NCKAP5: variants seen among roughly 807,000 people sequenced by gnomAD.
NCKAP5 encodes the protein nck-associated protein 5.
In NCKAP5, 92 loss-of-function variants were observed where a neutral mutation model predicts 167.0. The observed-to-expected ratio is 0.55, with a 90% confidence interval of 0.47 to 0.66. The LOEUF (loss-of-function observed/expected upper bound fraction) is 0.66. Among genes scored for constraint, NCKAP5 ranks in the 30% least tolerant of loss-of-function variants. The pLI is 0.00. For synonymous variants in NCKAP5, 891 were observed against 877.4 expected (o/e 1.02, Z -0.27); for missense variants, 2,378 against 2,315.0 (o/e 1.03, Z -0.56).
chr2:133,137,923 C>A (rs1214670197), intron 5 of NCKAP5, among the ~76,000 whole-genome samples: 1 of 152,232 alleles, frequency 6.6e-6, no homozygotes, highest in African/African-American at 2.4e-5. Context: ...AGTCCTGCCC[C>A]TGTACCCTTT....
At chr2:133,360,001 G>C (rs1048071152) in intron 3 of NCKAP5, among the ~76,000 whole-genome samples, 1 of 152,064 alleles carries the variant, frequency 6.6e-6, no homozygotes, top group African/African-American at 2.4e-5. Flanking sequence ...AACAACAGAA[G>C]GTAAATATCA....
At chr2:133,251,598 C>T (rs1390024779) in intron 4 of NCKAP5, among the ~76,000 whole-genome samples, 1 of 152,154 alleles carries the variant, frequency 6.6e-6, no homozygotes, top group Admixed American at 6.5e-5. Flanking sequence ...CTACAAGGCA[C>T]TCTATCAAAC....
chr2:133,054,143 G>T (rs879924732), intron 6 of NCKAP5, among the ~76,000 whole-genome samples: 1 of 152,132 alleles, frequency 6.6e-6, no homozygotes, highest in Non-Finnish European at 1.5e-5. Flanking sequence ...AAAAGCAGGC[G>T]ATATCTAATT....
the NCKAP5 span, among the ~76,000 whole-genome samples, chr2:133,593,222 C>A: frequency 1.3e-5 from 2 of 152,256 alleles, no homozygotes; most frequent in African/African-American, 4.8e-5. Context: ...AGATGATATA[C>A]ACTATCTGTT....
chr2:133,306,065 A>G (rs1680754448), intron 3 of NCKAP5, among the ~76,000 whole-genome samples: 1 of 152,264 alleles, frequency 6.6e-6, no homozygotes, highest in Non-Finnish European at 1.5e-5. Flanking sequence ...ACACTATCAT[A>G]GGATTATAAA....
At chr2:133,649,873 G>A in the NCKAP5 span, among the ~76,000 whole-genome samples, 3 of 151,902 alleles carry the variant, frequency 2.0e-5, no homozygotes, top group Non-Finnish European at 4.4e-5. Flanking sequence ...GCAAGAAAAA[G>A]AAACAAAAGG....
At chr2:133,212,620 G>C (rs575504984) in intron 5 of NCKAP5, among the ~76,000 whole-genome samples, 2 of 152,098 alleles carry the variant, frequency 1.3e-5, no homozygotes, top group Admixed American at 1.3e-4. Context: ...TGCCCACCTC[G>C]GCCTCCCAAA....
chr2:132,699,480 T>A, intron 19 of NCKAP5, among the ~76,000 whole-genome samples: 1 of 150,620 alleles, frequency 6.6e-6, no homozygotes, highest in Admixed American at 6.6e-5. Context: ...CCCTCCCCAC[T>A]CCCCCCTCCC....
intron 5 of NCKAP5, among the ~76,000 whole-genome samples, chr2:133,202,262 C>T (rs1435199956): frequency 6.6e-6 from 1 of 152,048 alleles, no homozygotes; most frequent in African/African-American, 2.4e-5. Context: ...CTTTGACAAA[C>T]CTGACAAAAA....
rs76061399 is a variant in NCKAP5, at chr2:133,040,440, G to C, written c.342-46201C>G. The stretch of plus-strand genomic sequence containing the variant: ...CATTGGACTACATTTTCTGGAATCA[G>C]AGACATGGCATTATCTGACCTTGGG... On this transcript the variant is annotated intron_variant, in intron 6 of 19. Coordinates refer to ENST00000409261, the MANE Select transcript of NCKAP5 (RefSeq NM_207363.3). Among the ~76,000 whole-genome samples the C allele has an allele frequency of 9.2e-3, 1,394 of 152,252 alleles. 21 individuals are homozygous for C. The highest frequency in any genetic ancestry group is 0.032 in the African/African-American group (1,336 of 41,544).
chr2:132,713,151 C>CAA (rs34379076), intron 19 of NCKAP5, among the ~76,000 whole-genome samples: 143 of 142,866 alleles, frequency 1.0e-3, no homozygotes, highest in African/African-American at 3.6e-3. Flanking sequence ...GAAAGATGAA[C>CAA]AAAAAAAAAA....
At chr2:133,645,966 G>T in the NCKAP5 span, among the ~76,000 whole-genome samples, 31 of 151,562 alleles carry the variant, frequency 2.0e-4, no homozygotes, top group African/African-American at 7.5e-4. Flanking sequence ...GAAGGAGGGA[G>T]GGAGGAAGGA....
chr2:133,479,251 T>C (rs538205629), intron 3 of NCKAP5, among the ~76,000 whole-genome samples: 1 of 152,350 alleles, frequency 6.6e-6, no homozygotes, highest in Admixed American at 6.5e-5. Context: ...ATAATTATTA[T>C]GTGCCTAACA....
intron 16 of NCKAP5, among the ~76,000 whole-genome samples, chr2:132,742,982 A>C (rs1241672131): frequency 6.6e-6 from 1 of 151,946 alleles, no homozygotes; most frequent in Non-Finnish European, 1.5e-5. Context: ...GAAATCCAAC[A>C]GACCAGGGGA....
At chr2:132,897,469 C>T (rs1693294768) in intron 8 of NCKAP5, among the ~76,000 whole-genome samples, 3 of 152,112 alleles carry the variant, frequency 2.0e-5, no homozygotes, top group Admixed American at 1.3e-4. Flanking sequence ...TTTAACATAC[C>T]TATATATACA....
At chr2:133,271,381 C>G (rs557430426) in intron 4 of NCKAP5, among the ~76,000 whole-genome samples, 24 of 152,198 alleles carry the variant, frequency 1.6e-4, no homozygotes, top group South Asian at 8.3e-4. Context: ...AGGGGAAAAG[C>G]TGTATTAGAC....
At position 132,784,805 on chromosome 2, in the gene NCKAP5, A is replaced by G. The variant is rs780456173; in HGVS notation, c.2006T>C (p.Val669Ala). 4.4e-6 allele frequency: 7 copies of G among 1,597,250 alleles called. No individual in the cohort carries two copies. The Admixed American group carries it at 1.2e-4, about 28-fold the overall frequency. Residue 669 changes from valine (V) to alanine (A), a missense_variant, in exon 14 of 20, where the codon GTG becomes GCG. By Grantham distance (64) the Val-to-Ala change is moderately conservative. Transcript: ENST00000409261. The part of the protein sequence containing the change: ...KRTSSEECVT[V>A]IFDAEDGEPI... ...CTCACCGTCTTCCGCATCAAATATC[A>G]CAGTCACACATTCTTCTGAAGAAGT...
chr2:133,620,924 C>G, the NCKAP5 span, among the ~76,000 whole-genome samples: 1 of 152,086 alleles, frequency 6.6e-6, no homozygotes, highest in African/African-American at 2.4e-5. Flanking sequence ...CAAGTACTCT[C>G]TCAGACCACA....
intron 11 of NCKAP5, among the ~76,000 whole-genome samples, chr2:132,842,818 C>T (rs1688387323): frequency 6.6e-6 from 1 of 152,002 alleles, no homozygotes; most frequent in Admixed American, 6.6e-5. Context: ...AGATTATAGG[C>T]GTGAGCTACC....
Sources: allele counts gnomAD v4.1 joint callset (sites outside exome capture counted in the v4.1 genomes callset), GRCh38; gene constraint gnomAD v4.1.1; transcripts MANE v1.5; gene names NCBI Gene and HGNC (gene_info 2026-07-23, HGNC 2026-07-21).